BSPRY: variants seen among roughly 807,000 people sequenced by gnomAD.
BSPRY encodes the protein B box and SPRY domain-containing protein.
BSPRY carries 33 observed loss-of-function variants against 38.0 expected under a neutral mutation model. That is an observed-to-expected ratio of 0.87 (90% CI 0.66 to 1.16). BSPRY has a LOEUF of 1.16. Among genes scored for constraint, BSPRY ranks in the 50% most tolerant of loss-of-function variants. The pLI is 0.00. For missense variants in BSPRY, 523 were observed against 533.2 expected, an observed-to-expected ratio of 0.98 and a Z score of 0.19; for synonymous variants, 224 against 228.5, an observed-to-expected ratio of 0.98 and a Z score of 0.18.
chr9:113,360,369 G>A (rs1834129227), intron 2 of BSPRY, 138 bp from the exon 3 acceptor site: 1 of 788,638 alleles, frequency 1.3e-6, no homozygotes, highest in East Asian at 2.7e-5. Context: ...AGGCTTACAT[G>A]CTATTATTTC....
intron 4 of BSPRY, among the ~76,000 whole-genome samples, chr9:113,365,266 CT>C (rs200657927): frequency 0.032 from 4,835 of 152,298 alleles, 123 homozygotes; most frequent in South Asian, 0.062. Flanking sequence ...TCCCTTCAGA[CT>C]TTCTCCCAAT....
rs1172837862 is a variant in BSPRY, at chr9:113,360,506, G to C, written c.301-1G>C. ...CAACTCCTCATTTTATCCCTCATTAGAGCATGGCCAGTGCAGCGAGGGAAC... is the reference window on the plus strand; with the variant it reads ...CAACTCCTCATTTTATCCCTCATTACAGCATGGCCAGTGCAGCGAGGGAAC... On this transcript the variant is annotated splice_acceptor_variant, in intron 2 of 5. Coordinates refer to ENST00000374183, the MANE Select transcript of BSPRY (RefSeq NM_017688.3). LOFTEE classifies it high-confidence loss of function. The C allele has an allele frequency of 1.9e-6, 3 of 1,589,326 alleles. No individual in the cohort carries two copies. Among genetic ancestry groups the C allele is most frequent in the Admixed American group, 1.8e-5 (1 of 54,646 alleles).
In BSPRY at chr9:113,360,675, C is replaced by A. The variant is rs767557160; in HGVS notation, c.469C>A (p.Leu157Ile). The A allele has an allele frequency of 2.5e-6, 4 of 1,607,238 alleles. No homozygotes were observed. Among genetic ancestry groups the A allele is most frequent in the Non-Finnish European group, 3.4e-6 (4 of 1,177,996 alleles). Residue 157 changes from leucine (L) to isoleucine (I), a missense_variant, in exon 3 of 6, where the codon CTT becomes ATT. By Grantham distance (5) the Leu-to-Ile change is conservative (BLOSUM62 2). Coordinates refer to ENST00000374183, the MANE Select transcript of BSPRY (RefSeq NM_017688.3). ...RVHWAEALQK[L>I]DTIRTGLVGM... is the part of the protein sequence containing the mutation. Reference sequence around the variant, plus strand: ...GCACTGGGCCGAGGCGCTGCAGAAACTTGACACCATCCGCACTGGCCTGGT... The same window carrying A: ...GCACTGGGCCGAGGCGCTGCAGAAAATTGACACCATCCGCACTGGCCTGGT...
chr9:113,362,554 C>T (rs1834173944), intron 4 of BSPRY, among the ~76,000 whole-genome samples, 160 bp downstream of exon 4: 1 of 152,128 alleles, frequency 6.6e-6, no homozygotes, highest in African/African-American at 2.4e-5. Context: ...ATGTCTCTGC[C>T]CTTGGCTTAG....
At chr9:113,362,308 T>C in intron 3 of BSPRY, 61 bp from the exon 4 acceptor site, 5 of 1,592,448 alleles carry the variant, frequency 3.1e-6, no homozygotes, top group Non-Finnish European at 4.3e-6. Flanking sequence ...AAATCTGTCT[T>C]AGCATTGACT....
At chr9:113,364,554 G>GA (rs1010301565) in intron 4 of BSPRY, among the ~76,000 whole-genome samples, 3 of 151,970 alleles carry the variant, frequency 2.0e-5, no homozygotes, top group Admixed American at 6.6e-5. Context: ...TTCAAACTTA[G>GA]AAAAAAGTTG....
At chr9:113,367,457 G>A (rs1834269991) in intron 4 of BSPRY, among the ~76,000 whole-genome samples, 1 of 152,130 alleles carries the variant, frequency 6.6e-6, no homozygotes, top group Admixed American at 6.6e-5. Flanking sequence ...CCCCTCAGGT[G>A]TTTGCATTTT....
chr9:113,353,734 A>T (rs1056159500), intron 1 of BSPRY, among the ~76,000 whole-genome samples: 1 of 152,152 alleles, frequency 6.6e-6, no homozygotes, highest in South Asian at 2.1e-4. Context: ...AAATAAAAAT[A>T]AACACAAGAC....
intron 4 of BSPRY, among the ~76,000 whole-genome samples, chr9:113,364,985 GC>G (rs1208574042): frequency 2.7e-5 from 4 of 149,332 alleles, no homozygotes; most frequent in African/African-American, 9.9e-5. Context: ...AAGAGTCAAG[GC>G]CAGTTTTATA....
intron 1 of BSPRY, among the ~76,000 whole-genome samples, chr9:113,353,932 G>A (rs7026076): frequency 0.55 from 83,031 of 151,976 alleles, 23,029 homozygotes; most frequent in South Asian, 0.64. Flanking sequence ...TGAAGACGGA[G>A]GTGAGGTCAC....
At chr9:113,363,129 C>A (rs771013439) in intron 4 of BSPRY, among the ~76,000 whole-genome samples, 8 of 152,102 alleles carry the variant, frequency 5.3e-5, no homozygotes, top group Non-Finnish European at 1.0e-4. Flanking sequence ...AAAAAATCCA[C>A]CAATATAAAG....
At chr9:113,365,476 C>A (rs886912314) in intron 4 of BSPRY, among the ~76,000 whole-genome samples, 1 of 152,180 alleles carries the variant, frequency 6.6e-6, no homozygotes, top group Non-Finnish European at 1.5e-5. Flanking sequence ...GACCCTGTGT[C>A]CTTTTGAAAA....
chr9:113,369,561 G>A (rs558285686), intron 5 of BSPRY, 55 bp from the exon 6 acceptor site: 2 of 1,527,770 alleles, frequency 1.3e-6, no homozygotes, highest in African/African-American at 2.8e-5. Context: ...TACCTGGCAG[G>A]ACCAGGTTAG....
In BSPRY at chr9:113,369,909, G is replaced by A. The variant is rs1834315470; in HGVS notation, c.976G>A (p.Val326Ile). The change falls in exon 6 of 6, where the codon GTC becomes ATC. Residue 326 changes from valine to isoleucine, a missense_variant. Physicochemically the swap from Val to Ile is conservative, Grantham distance 29. Coordinates refer to ENST00000374183, the MANE Select transcript of BSPRY (RefSeq NM_017688.3). ...CRLGHNAFSW[V>I]FSRYDQEFRF... ...TCTGGGCCACAATGCCTTCTCCTGG[G>A]TCTTCTCTCGCTATGATCAGGAGTT... The A allele has an allele frequency of 2.5e-6, 4 of 1,614,216 alleles. No homozygotes were observed. The East Asian group carries it at 6.7e-5, about 27-fold the overall frequency.
At chr9:113,362,347 A>G (rs1396631459) in intron 3 of BSPRY, 22 bp from the exon 4 acceptor site, 2 of 1,613,848 alleles carry the variant, frequency 1.2e-6, no homozygotes, top group Non-Finnish European at 1.7e-6. Flanking sequence ...GCCAAGCTTG[A>G]CTTTGTTTTC....
chr9:113,369,723 G>C lies in BSPRY; in HGVS notation c.790G>C (p.Asp264His). Reference protein sequence around the residue: ...FSTKKSKACADGPERFDHWPN... With the variant: ...FSTKKSKACAHGPERFDHWPN... ...CACCAAGAAGTCAAAGGCCTGTGCAGATGGCCCGGAGCGCTTCGACCACTG... is the reference window on the plus strand; with the variant it reads ...CACCAAGAAGTCAAAGGCCTGTGCACATGGCCCGGAGCGCTTCGACCACTG... Residue 264 changes from aspartate to histidine, a missense_variant, in exon 6 of 6, where the codon GAT becomes CAT. Physicochemically the swap from Asp to His is moderately conservative, Grantham distance 81. Coordinates refer to ENST00000374183, the MANE Select transcript of BSPRY (RefSeq NM_017688.3). 1.2e-6 allele frequency: 2 copies of C among 1,614,248 alleles called. No individual in the cohort carries two copies. Among genetic ancestry groups the C allele is most frequent in the Non-Finnish European group, 8.5e-7 (1 of 1,180,036 alleles).
At chr9:113,368,411 T>C (rs1209553611) in intron 5 of BSPRY, 28 bp downstream of exon 5, 2 of 1,608,414 alleles carry the variant, frequency 1.2e-6, no homozygotes, top group South Asian at 2.2e-5. Flanking sequence ...CCAGGACCAT[T>C]AGGACAACTG....
chr9:113,349,743 G>T lies in BSPRY; in HGVS notation c.164G>T (p.Arg55Leu). ...TTGGGCGGTCGCTGCCGGGGGCACCGCATCCGCCGGGCGGAGGAGCGCGCC... is the reference window on the plus strand; with the variant it reads ...TTGGGCGGTCGCTGCCGGGGGCACCTCATCCGCCGGGCGGAGGAGCGCGCC... ...AGLGGRCRGHRIRRAEERAEE... is the reference protein window; with the variant it reads ...AGLGGRCRGHLIRRAEERAEE... Residue 55 changes from arginine (R) to leucine (L), a missense_variant, in exon 1 of 6, where the codon CGC becomes CTC. Arg to Leu is a moderately radical substitution (Grantham distance 102, BLOSUM62 -2). Coordinates refer to ENST00000374183, the MANE Select transcript of BSPRY (RefSeq NM_017688.3). 1 of 1,237,670 alleles carries T rather than the reference G, an allele frequency of 8.1e-7. No homozygotes were observed. Among genetic ancestry groups the T allele is most frequent in the Non-Finnish European group, 1.0e-6 (1 of 992,344 alleles). The allele number at this position is 1,237,670 out of a possible 1,614,324, so 76.7% of individuals were successfully genotyped here.
intron 4 of BSPRY, among the ~76,000 whole-genome samples, chr9:113,363,989 A>T (rs1373595166): frequency 6.6e-6 from 1 of 151,774 alleles, no homozygotes; most frequent in Non-Finnish European, 1.5e-5. Flanking sequence ...AGGAGTTCAC[A>T]ACCAGCCTGG....
Sources: allele counts gnomAD v4.1 joint callset (sites outside exome capture counted in the v4.1 genomes callset), GRCh38; gene constraint gnomAD v4.1.1; transcripts MANE v1.5; gene names NCBI Gene and HGNC (gene_info 2026-07-23, HGNC 2026-07-21).